Variants in FRMD4A observed in about 807,000 individuals in gnomAD.
FRMD4A encodes FERM domain containing 4A.
In FRMD4A, 29 loss-of-function variants were observed where a neutral mutation model predicts 129.1. The observed-to-expected ratio is 0.22, with a 90% CI of 0.17 to 0.31. The LOEUF (loss-of-function observed/expected upper bound fraction) is 0.31, where lower values mean the gene tolerates loss of function less well. Among genes scored for constraint, FRMD4A ranks in the 10% least tolerant of loss-of-function variants. FRMD4A has a pLI of 1.00. For synonymous variants in FRMD4A, 634 were observed against 571.6 expected (o/e 1.11, Z -1.56); for missense variants, 1,272 against 1,375.8 (o/e 0.92, Z 1.19).
chr10:13,685,407 G>A (rs1478138259), intron 15 of FRMD4A: 2 of 984,938 alleles, frequency 2.0e-6, no homozygotes, highest in Admixed American at 6.1e-5. Context: ...TAAAAAATTA[G>A]CAGCATCCAG....
chr10:13,720,622 T>C (rs77992280), intron 12 of FRMD4A, among the ~76,000 whole-genome samples: 1,607 of 152,188 alleles, frequency 0.011, 26 homozygotes, highest in African/African-American at 0.036. Flanking sequence ...TACAGTAAGT[T>C]AGAAGATAAC....
chr10:13,891,536 TC>T (rs773698097), intron 2 of FRMD4A: 239 of 915,576 alleles, frequency 2.6e-4, no homozygotes, highest in Non-Finnish European at 3.0e-4. Context: ...GCGTCCCTTT[TC>T]CCCGGCCCAG....
chr10:14,219,039 A>T lies in FRMD4A; in HGVS notation c.45+111019T>A, dbSNP rs73601234. On this transcript the variant is annotated intron_variant, in intron 2 of 24. Transcript: ENST00000357447. ...ACTTGGTAATCATAGTAAGAAGGGG[A>T]TAAGAGGAGGGGCTAGGAACATAGG... 1.5e-4 allele frequency among the ~76,000 whole-genome samples: 22 copies of T among 145,092 alleles called. No homozygotes were observed. The South Asian group carries it at 5.0e-3, about 33-fold the overall frequency.
intron 2 of FRMD4A, among the ~76,000 whole-genome samples, chr10:13,870,553 T>A (rs779514155): frequency 2.0e-5 from 3 of 152,214 alleles, no homozygotes; most frequent in Non-Finnish European, 4.4e-5. Flanking sequence ...GGGACACAGG[T>A]GACCCAAGGA....
chr10:14,176,733 A>G (rs563943801), intron 2 of FRMD4A, among the ~76,000 whole-genome samples: 1 of 152,090 alleles, frequency 6.6e-6, no homozygotes, highest in East Asian at 1.9e-4. Context: ...CGGCCTCCCA[A>G]AGTGATGGGA....
chr10:13,800,499 T>C (rs1011970279), intron 4 of FRMD4A, among the ~76,000 whole-genome samples: 1 of 152,234 alleles, frequency 6.6e-6, no homozygotes, highest in Non-Finnish European at 1.5e-5. Flanking sequence ...GTGATTTTTC[T>C]CTGGCCACCA....
At chr10:14,029,507 A>T (rs1588821532) in intron 2 of FRMD4A, among the ~76,000 whole-genome samples, 1 of 152,214 alleles carries the variant, frequency 6.6e-6, no homozygotes, top group East Asian at 1.9e-4. Flanking sequence ...AGCCCAAAGC[A>T]GTAGGCAATT....
intron 2 of FRMD4A, among the ~76,000 whole-genome samples, chr10:14,260,949 A>G (rs1844780289): frequency 6.6e-6 from 1 of 152,176 alleles, no homozygotes; most frequent in Non-Finnish European, 1.5e-5. Flanking sequence ...GTCCACCTCC[A>G]TGGGTCTTAG....
intron 2 of FRMD4A, among the ~76,000 whole-genome samples, chr10:13,932,071 C>T (rs1413163949): frequency 1.3e-5 from 2 of 152,292 alleles, no homozygotes; most frequent in East Asian, 3.9e-4. Flanking sequence ...CTTTCATTCC[C>T]ACAGAATCGT....
At chr10:14,111,151 T>C (rs1322259983) in intron 2 of FRMD4A, among the ~76,000 whole-genome samples, 1 of 152,190 alleles carries the variant, frequency 6.6e-6, no homozygotes, top group Non-Finnish European at 1.5e-5. Flanking sequence ...CTCTCTACCC[T>C]AGCTTAGCCC....
intron 2 of FRMD4A, among the ~76,000 whole-genome samples, chr10:14,004,726 G>A (rs1054359364): frequency 3.3e-5 from 5 of 152,172 alleles, no homozygotes; most frequent in Admixed American, 2.6e-4. Flanking sequence ...GGGCAGTGTG[G>A]ATGAATAAAC....
At chr10:13,790,085 A>G (rs976233249) in intron 5 of FRMD4A, among the ~76,000 whole-genome samples, 1 of 151,832 alleles carries the variant, frequency 6.6e-6, no homozygotes, top group African/African-American at 2.4e-5. Context: ...AGAGTAAGAG[A>G]TGGATAGGGA....
chr10:13,680,720 CATTTAAAAAAAAAA>C (rs1190900682), intron 15 of FRMD4A, among the ~76,000 whole-genome samples: 4 of 150,740 alleles, frequency 2.7e-5, no homozygotes, highest in Non-Finnish European at 5.9e-5. Context: ...AGCGAGACTC[CATTTAAAAAAAAAA>C]ATTTAAAAAA....
intron 2 of FRMD4A, among the ~76,000 whole-genome samples, chr10:14,291,711 C>T (rs1276713214): frequency 6.6e-6 from 1 of 151,754 alleles, no homozygotes; most frequent in Non-Finnish European, 1.5e-5. Context: ...CATTTAATGG[C>T]AAAATGTTAA....
At chr10:14,281,023 G>C (rs566082726) in intron 2 of FRMD4A, among the ~76,000 whole-genome samples, 5 of 95,352 alleles carry the variant, frequency 5.2e-5, no homozygotes, top group Non-Finnish European at 9.2e-5. Flanking sequence ...ACGGAGTTTC[G>C]ATCTTGTTGC....
intron 3 of FRMD4A, among the ~76,000 whole-genome samples, chr10:13,850,755 A>G (rs2094129515): frequency 6.6e-6 from 1 of 152,212 alleles, no homozygotes; most frequent in Admixed American, 6.5e-5. Flanking sequence ...TGCAGTGAAA[A>G]GAGAATGGGC....
chr10:14,206,563 C>T lies in FRMD4A; in HGVS notation c.45+123495G>A, dbSNP rs1042778834. Among the ~76,000 whole-genome samples the T allele has an allele frequency of 3.3e-5, 5 of 151,756 alleles. No homozygotes were observed. The East Asian group carries it at 5.8e-4, about 18-fold the overall frequency. ...CTGTAATCCCAACACTTTGGGAGGC[C>T]GAGGCAGGAGGATCACTTGAGGTCA... is the stretch of plus-strand genomic sequence containing the variant. On this transcript the variant is annotated intron_variant, in intron 2 of 24. Transcript: ENST00000357447.
rs148957002 is a variant in FRMD4A, at chr10:13,857,185, A to G, written c.111+1662T>C. Among the ~76,000 whole-genome samples the G allele has an allele frequency of 3.1e-4, 47 of 152,312 alleles. 1 individual carries two copies. The highest frequency in any genetic ancestry group is 1.1e-3 in the African/African-American group (46 of 41,566). ...TATGTTAATCACAGCATTTACTTGTAATAGTGGTAAAATTTTTTTTTTTAA... is the reference window on the plus strand; with the variant it reads ...TATGTTAATCACAGCATTTACTTGTGATAGTGGTAAAATTTTTTTTTTTAA... On this transcript the variant is annotated intron_variant, in intron 3 of 24. Transcript: ENST00000357447.
In FRMD4A at chr10:13,725,078, C is replaced by T. The variant is rs546478504; in HGVS notation, c.759+12766G>A. Among the ~76,000 whole-genome samples, 6 of 152,316 alleles carry T rather than the reference C, an allele frequency of 3.9e-5. No individual in the cohort carries two copies. In the South Asian group the frequency reaches 1.2e-3, roughly 32 times the overall value. On this transcript the variant is annotated intron_variant, in intron 12 of 24. Coordinates refer to ENST00000357447, the MANE Select transcript of FRMD4A (RefSeq NM_018027.5). ...CATCCTTTCTTTCATTCATGACTCC[C>T]CTCTGGCTTTAAAATGAGCTTGCTT... is the stretch of plus-strand genomic sequence containing the variant.
Sources: gnomAD v4.1 joint callset for allele counts (sites outside exome capture counted in the v4.1 genomes callset) on GRCh38, gnomAD v4.1.1 for gene constraint, MANE v1.5 for transcripts, NCBI Gene and HGNC (gene_info 2026-07-23, HGNC 2026-07-21) for gene names.